Variants in CWF19L1 observed in about 807,000 individuals in gnomAD.
CWF19L1 encodes the protein CWF19-like protein 1.
A neutral mutation model predicts 69.7 loss-of-function variants in CWF19L1; 60 were observed. The observed-to-expected ratio is 0.86, with a 90% CI of 0.70 to 1.07. The LOEUF is 1.07. Among genes scored for constraint, CWF19L1 ranks in the 50% least tolerant of loss-of-function variants. The probability of loss-of-function intolerance (pLI) is 0.00; values close to 1 mark genes in which losing one functional copy is unlikely to be tolerated. For missense variants in CWF19L1, 591 were observed against 638.9 expected, an observed-to-expected ratio of 0.92 and a Z score of 0.81; for synonymous variants, 209 against 222.2, an observed-to-expected ratio of 0.94 and a Z score of 0.53.
intron 7 of CWF19L1, 49 bp from the exon 8 acceptor site, chr10:100,246,984 A>C: frequency 6.8e-7 from 1 of 1,469,110 alleles, no homozygotes; most frequent in Non-Finnish European, 9.3e-7. Flanking sequence ...CTATTTACCC[A>C]ACTGTAATCA....
rs1564856730 is a variant in CWF19L1 at position 100,250,252 on chromosome 10, T to C, written c.704A>G (p.Lys235Arg). 6.2e-7 allele frequency: 1 copy of C among 1,603,112 alleles called. No individual in the cohort carries two copies. Among genetic ancestry groups the C allele is most frequent in the Non-Finnish European group, 8.5e-7 (1 of 1,170,268 alleles). ...ACCAAATAGGTAAATCTTTACCTTTTTCTTTTCTGGATTTCCAACATTTGC... is the reference window on the plus strand; with the variant it reads ...ACCAAATAGGTAAATCTTTACCTTTCTCTTTTCTGGATTTCCAACATTTGC... ...ALANVGNPEKKKYLYAFSIVP... is the reference protein window; with the variant it reads ...ALANVGNPEKRKYLYAFSIVP... Residue 235 changes from lysine to arginine, a missense_variant, in exon 7 of 14, where the codon AAA becomes AGA. Transcript: ENST00000354105.
intron 1 of CWF19L1, among the ~76,000 whole-genome samples, chr10:100,267,147 C>CCCCCAA (rs1847624171): frequency 3.2e-5 from 1 of 30,770 alleles, no homozygotes. Flanking sequence ...CTCCTCCTCG[C>CCCCCAA]AAAAAAAAAA....
chr10:100,233,183 T>G lies in CWF19L1; in HGVS notation c.*44A>C, dbSNP rs1050389. The G allele has an allele frequency of 6.6e-7, 1 of 1,508,098 alleles. No individual in the cohort carries two copies. The highest frequency in any genetic ancestry group is 8.9e-7 in the Non-Finnish European group (1 of 1,124,668). 93.4% of individuals were successfully genotyped at this position (1,508,098 alleles called of 1,614,324 possible). On this transcript the variant is annotated 3_prime_UTR_variant, in exon 14 of 14. Transcript: ENST00000354105. ...CTTTTAATTAAAAAAAAAAAAAAGC[T>G]TTACTACTTCCTGTGGAGTTCATAA...
intron 10 of CWF19L1, 64 bp from the exon 11 acceptor site, chr10:100,238,295 A>G (rs3750709): frequency 0.1 from 152,871 of 1,496,836 alleles, 15,737 homozygotes; most frequent in African/African-American, 0.53. Context: ...AGGGAGAAAA[A>G]CCTATACAAA....
chr10:100,256,128 A>G, intron 5 of CWF19L1, 134 bp downstream of exon 5: 1 of 668,324 alleles, frequency 1.5e-6, no homozygotes, highest in Non-Finnish European at 2.6e-6. Flanking sequence ...GAATCCTGAA[A>G]ATTTTCACAG....
intron 7 of CWF19L1, chr10:100,249,227 GC>G (rs1256117397): frequency 2.1e-5 from 5 of 241,574 alleles, no homozygotes; most frequent in East Asian, 1.0e-4. Context: ...CTTCAGATCC[GC>G]CCCCTCCCCC....
rs140157213 is a variant in CWF19L1, at chr10:100,262,292, A to C, written c.24-229T>G. On this transcript the variant is annotated intron_variant, in intron 1 of 13. Transcript: ENST00000354105. ...TTATCATTTACTCCACAATTGAGCC[A>C]GCTTCTTCTCCTCATTCCTAAGTTT... 743 of 985,444 alleles carry C rather than the reference A, an allele frequency of 7.5e-4. No homozygotes were observed. In the African/African-American group the frequency reaches 8.0e-3, roughly 11 times the overall value. The allele number at this position is 985,444 out of a possible 1,614,324, so 61.0% of individuals were successfully genotyped here.
In CWF19L1 at chr10:100,244,655, C is replaced by T. The variant is rs561537688; in HGVS notation, c.965-878G>A. 3.3e-5 allele frequency among the ~76,000 whole-genome samples: 5 copies of T among 149,524 alleles called. No individual in the cohort carries two copies. In the South Asian group the frequency reaches 6.4e-4, roughly 19 times the overall value. On this transcript the variant is annotated intron_variant, in intron 9 of 13. Transcript: ENST00000354105. ...TAGGCGTGAGCCACCGCGCCTGGCC[C>T]GTTATTTTATTTTTTTGAGACAGGG...
chr10:100,262,060 C>A lies in CWF19L1; in HGVS notation c.27G>T (p.Leu9Phe). 1.2e-6 allele frequency: 2 copies of A among 1,610,196 alleles called. No homozygotes were observed. Among genetic ancestry groups the A allele is most frequent in the Non-Finnish European group, 1.7e-6 (2 of 1,179,046 alleles). ...ACTTTCCTTCAACATCTCCACAAGC[C>A]AAGCTGCAAACAAAGAGATAAACAT... Reference protein sequence around the residue: MAQKPLRLLACGDVEGKFD... With the variant: MAQKPLRLFACGDVEGKFD... The change falls in exon 2 of 14, where the codon TTG (leucine) becomes TTT (phenylalanine). Residue 9 changes from leucine (L) to phenylalanine (F), a missense_variant. Leu to Phe is a conservative substitution (Grantham distance 22, BLOSUM62 0). Coordinates refer to ENST00000354105, the MANE Select transcript of CWF19L1 (RefSeq NM_018294.6).
At chr10:100,247,895 TAAAC>T (rs1156613343) in intron 7 of CWF19L1, among the ~76,000 whole-genome samples, 1 of 151,696 alleles carries the variant, frequency 6.6e-6, no homozygotes, top group African/African-American at 2.4e-5. Flanking sequence ...GACTCCATCT[TAAAC>T]AAACAAACAA....
chr10:100,236,892 C>T lies in CWF19L1; in HGVS notation c.1332G>A (p.Gln444=). ...GCTCTGGGATTTCCAACAGCTCTATCTGCTGCTCCTGTGCCTGGGTAATGA... is the reference window on the plus strand; with the variant it reads ...GCTCTGGGATTTCCAACAGCTCTATTTGCTGCTCCTGTGCCTGGGTAATGA... ...DAFITQAQEQ[Q]IELLEIPEHS... Residue 444 remains glutamine (Q), a synonymous_variant, in exon 12 of 14, where the codon CAG becomes CAA. Coordinates refer to ENST00000354105, the MANE Select transcript of CWF19L1 (RefSeq NM_018294.6). The T allele has an allele frequency of 5.6e-6, 9 of 1,612,110 alleles. No individual in the cohort carries two copies. The highest frequency in any genetic ancestry group is 7.6e-6 in the Non-Finnish European group (9 of 1,179,086).
At chr10:100,264,412 G>A (rs1847504330) in intron 1 of CWF19L1, among the ~76,000 whole-genome samples, 1 of 152,076 alleles carries the variant, frequency 6.6e-6, no homozygotes, top group Non-Finnish European at 1.5e-5. Context: ...GGGCGTGGTG[G>A]CGGGCGCCTG....
intron 1 of CWF19L1, 68 bp downstream of exon 1, chr10:100,267,503 C>T (rs1847640886): frequency 6.2e-7 from 1 of 1,613,276 alleles, no homozygotes; most frequent in Admixed American, 1.7e-5. Context: ...GAAAGACTCC[C>T]GCCCGTGTCG....
rs776622662 is a variant in CWF19L1, at chr10:100,260,225, A to G, written c.282T>C (p.Thr94=). The change falls in exon 4 of 14, where the codon ACT becomes ACC. Residue 94 remains threonine, a synonymous_variant. Transcript: ENST00000354105. ...ADGCELAENI[T]YLGRKGIFTG... is the part of the protein sequence containing the mutation. ...CAACAAGTATCAGCTTACCCAGATA[A>G]GTAATGTTTTCAGCTAATTCACATC... 1 of 1,595,958 alleles carries G rather than the reference A, an allele frequency of 6.3e-7. No homozygotes were observed. Among genetic ancestry groups the G allele is most frequent in the South Asian group, 1.1e-5 (1 of 88,816 alleles).
At chr10:100,243,924 T>G in intron 9 of CWF19L1, 147 bp from the exon 10 acceptor site, 1 of 651,566 alleles carries the variant, frequency 1.5e-6, no homozygotes, top group East Asian at 2.6e-5. Context: ...TGCTCCTCAC[T>G]ACGACCCCCT....
rs750882423 is a variant in CWF19L1, at chr10:100,236,942, T to C, written c.1282A>G (p.Thr428Ala). Residue 428 changes from threonine (T) to alanine (A), a missense_variant, in exon 12 of 14, where the codon ACT becomes GCT. Transcript: ENST00000354105. ...QVIPVPISCS[T>A]TDDIKDAFIT... The stretch of plus-strand genomic sequence containing the variant: ...AAGGCATCTTTAATGTCATCAGTAG[T>C]AGAGCAGCTGATTGGGACAGGAATG... The C allele has an allele frequency of 3.7e-6, 6 of 1,607,190 alleles. No homozygotes were observed. Among genetic ancestry groups the C allele is most frequent in the Non-Finnish European group, 5.1e-6 (6 of 1,176,864 alleles).
At chr10:100,250,164 G>T in intron 7 of CWF19L1, 84 bp downstream of exon 7, 3 of 941,340 alleles carry the variant, frequency 3.2e-6, no homozygotes, top group Non-Finnish European at 3.5e-6. Context: ...GAGAAGAGAA[G>T]ATCTGAATGC....
chr10:100,248,305 C>T (rs1318554683), intron 7 of CWF19L1: 3 of 1,368,176 alleles, frequency 2.2e-6, no homozygotes, highest in African/African-American at 2.8e-5. Flanking sequence ...TTTGGCCTGG[C>T]CTTAGCTGTT....
chr10:100,255,932 A>AAAAAAAC (rs143104876), intron 5 of CWF19L1, among the ~76,000 whole-genome samples: 1 of 151,940 alleles, frequency 6.6e-6, no homozygotes, highest in Non-Finnish European at 1.5e-5. Flanking sequence ...TCCATCTCAA[A>AAAAAAAC]AAAAAACAAA....
Sources: gnomAD v4.1 joint callset for allele counts (sites outside exome capture counted in the v4.1 genomes callset) on GRCh38, gnomAD v4.1.1 for gene constraint, MANE v1.5 for transcripts, NCBI Gene and HGNC (gene_info 2026-07-23, HGNC 2026-07-21) for gene names.